VPS13B: variants seen among roughly 807,000 people sequenced by gnomAD.
VPS13B encodes the protein vacuolar protein sorting 13 homolog B, also known as intermembrane lipid transfer protein VPS13B.
In VPS13B, 285 loss-of-function variants were observed where a neutral mutation model predicts 426.4. That is an observed-to-expected ratio of 0.67 (90% CI 0.61 to 0.74). VPS13B has a LOEUF of 0.74. VPS13B is among the 30% of genes least tolerant of loss of function. The pLI is 0.00. For missense variants in VPS13B, 4,537 were observed against 4,782.6 expected (o/e 0.95, Z 1.51); for synonymous variants, 1,676 against 1,676.4 (o/e 1.00, Z 0.01).
Position 99,835,259 on chromosome 8 carries a change from C to G in VPS13B, c.9677C>G (p.Pro3226Arg), listed in dbSNP as rs1815325413. 1 of 1,613,722 alleles carries G rather than the reference C, an allele frequency of 6.2e-7. No individual in the cohort carries two copies. The highest frequency in any genetic ancestry group is 1.3e-5 in the African/African-American group (1 of 74,862). ...ACTTATTTAACCCTCTCAGAAGACC[C>G]TAGTCCTCGAGTAATTATCCACAAT... ...GVTYLTLSED[P>R]SPRVIIHNRC... The change falls in exon 53 of 62, where the codon CCT becomes CGT. Residue 3226 changes from proline to arginine, a missense_variant. Coordinates refer to ENST00000357162, the MANE Select transcript of VPS13B (RefSeq NM_152564.5).
At chr8:99,555,774 G>A (rs1824529946) in intron 30 of VPS13B, among the ~76,000 whole-genome samples, 1 of 151,986 alleles carries the variant, frequency 6.6e-6, no homozygotes, top group Admixed American at 6.6e-5. Flanking sequence ...TTACTTAGCA[G>A]TGGACCCAAT....
In VPS13B at chr8:99,281,884, C is replaced by A. The variant is rs751607116; in HGVS notation, c.2824+6630C>A. Among the ~76,000 whole-genome samples the A allele has an allele frequency of 2.9e-4, 44 of 152,108 alleles. 1 individual carries two copies. Among genetic ancestry groups the A allele is most frequent in the Non-Finnish European group, 5.9e-5 (4 of 68,016 alleles). ...GACCCTGTCTTTGTATCTGAATGAT[C>A]TAATCAATACATCTGTTTTCAGCAA... On this transcript the variant is annotated intron_variant, in intron 19 of 61. Coordinates refer to ENST00000357162, the MANE Select transcript of VPS13B (RefSeq NM_152564.5).
intron 2 of VPS13B, among the ~76,000 whole-genome samples, chr8:99,035,788 A>G (rs989936441): frequency 6.6e-6 from 1 of 152,190 alleles, no homozygotes; most frequent in Non-Finnish European, 1.5e-5. Context: ...GTTTCCACTA[A>G]GAGTGTATAA....
At position 99,259,604 on chromosome 8, in the gene VPS13B, C is replaced by G. The variant is rs189052308; in HGVS notation, c.2516-14594C>G. ...AACAAAGAAGGTTTTTTGTGTTGGC[C>G]TTGATTGGGAAGGGAGAGGGTGCTT... On this transcript the variant is annotated intron_variant, in intron 17 of 61. Coordinates refer to ENST00000357162, the MANE Select transcript of VPS13B (RefSeq NM_152564.5). Among the ~76,000 whole-genome samples the G allele has an allele frequency of 6.3e-3, 955 of 152,050 alleles. 5 individuals carry two copies. Among genetic ancestry groups the G allele is most frequent in the South Asian group, 0.019 (91 of 4,810 alleles).
rs78555430 is a variant in VPS13B, at chr8:99,532,501, G to A, written c.4745+11491G>A. On this transcript the variant is annotated intron_variant, in intron 30 of 61. Transcript: ENST00000357162. ...CCTTTAAAGAATTATAAAAGATAGG[G>A]AGCTGATTCACTTTTCACCCTTAGA... Among the ~76,000 whole-genome samples, 12 of 152,106 alleles carry A rather than the reference G, an allele frequency of 7.9e-5. No homozygotes were observed. In the East Asian group the frequency reaches 2.3e-3, roughly 30 times the overall value.
chr8:99,649,905 C>T lies in VPS13B; in HGVS notation c.5908+7407C>T, dbSNP rs569721760. Among the ~76,000 whole-genome samples the T allele has an allele frequency of 1.1e-4, 16 of 152,200 alleles. No individual in the cohort carries two copies. The South Asian group carries it at 2.7e-3, about 26-fold the overall frequency. On this transcript the variant is annotated intron_variant, in intron 34 of 61. Transcript: ENST00000357162. Reference sequence around the variant, plus strand: ...ACATGAACTGGGAAATTCATCACAACGTCGGTTATAGCCACAAATTGGACT... The same window carrying T: ...ACATGAACTGGGAAATTCATCACAATGTCGGTTATAGCCACAAATTGGACT...
intron 19 of VPS13B, among the ~76,000 whole-genome samples, chr8:99,334,595 G>C (rs1810719923): frequency 6.6e-6 from 1 of 152,130 alleles, no homozygotes; most frequent in African/African-American, 2.4e-5. Context: ...GGCCTTTTCT[G>C]CATCTATTGA....
At chr8:99,868,894 C>T (rs1208402856) in intron 59 of VPS13B, among the ~76,000 whole-genome samples, 1 of 152,184 alleles carries the variant, frequency 6.6e-6, no homozygotes, top group African/African-American at 2.4e-5. Context: ...GGGTGGCCTT[C>T]TCACCCACAG....
At chr8:99,381,819 T>C (rs3105171) in intron 19 of VPS13B, among the ~76,000 whole-genome samples, 29,758 of 152,012 alleles carry the variant, frequency 0.2, 3,406 homozygotes, top group East Asian at 0.38. Flanking sequence ...CTTGGTCAGA[T>C]GCAGAGTTTG....
chr8:99,621,830 T>TC (rs1828365705), intron 33 of VPS13B, among the ~76,000 whole-genome samples: 1 of 136,202 alleles, frequency 7.3e-6, no homozygotes, highest in Non-Finnish European at 1.6e-5. Context: ...CTTTTTTTTT[T>TC]TTTTTTTTTT....
intron 39 of VPS13B, among the ~76,000 whole-genome samples, chr8:99,761,305 C>G (rs1810919051): frequency 6.6e-6 from 1 of 152,206 alleles, no homozygotes; most frequent in Admixed American, 6.5e-5. Context: ...CAGAGCCAGC[C>G]TCACACAAGT....
In VPS13B at chr8:99,859,458, G is replaced by C; in HGVS notation, c.11022G>C (p.Ser3674=). 1 of 1,613,836 alleles carries C rather than the reference G, an allele frequency of 6.2e-7. No individual in the cohort carries two copies. The highest frequency in any genetic ancestry group is 8.5e-7 in the Non-Finnish European group (1 of 1,179,984). Residue 3674 remains serine, a synonymous_variant, in exon 57 of 62, where the codon TCG becomes TCC. Transcript: ENST00000357162. ...FVSGVSRGTT[S]FVKHISKGTL... is the part of the protein sequence containing the mutation. The stretch of plus-strand genomic sequence containing the variant: ...GTGGCGTCTCCAGAGGGACCACATC[G>C]TTTGTAAAGCACATCTCCAAAGGTA...
intron 19 of VPS13B, among the ~76,000 whole-genome samples, chr8:99,302,877 G>A (rs1194471167): frequency 1.3e-5 from 2 of 152,070 alleles, no homozygotes; most frequent in Non-Finnish European, 2.9e-5. Context: ...TCTATTGAAC[G>A]CATATTGCTT....
intron 19 of VPS13B, among the ~76,000 whole-genome samples, chr8:99,314,245 G>A (rs181463896): frequency 6.6e-5 from 10 of 152,142 alleles, no homozygotes; most frequent in African/African-American, 1.9e-4. Flanking sequence ...GAAATCACCC[G>A]TCTTCTGCGT....
chr8:99,205,496 AG>A (rs1371392796), intron 17 of VPS13B, among the ~76,000 whole-genome samples: 1 of 152,196 alleles, frequency 6.6e-6, no homozygotes, highest in African/African-American at 2.4e-5. Context: ...CAGAACTTAA[AG>A]TATAATAATA....
intron 37 of VPS13B, among the ~76,000 whole-genome samples, 189 bp from the exon 38 acceptor site, chr8:99,720,156 G>A (rs1833079740): frequency 6.6e-6 from 1 of 151,770 alleles, no homozygotes; most frequent in African/African-American, 2.4e-5. Context: ...TAATTTTTTT[G>A]TTGTTATATA....
At chr8:99,769,700 C>T (rs904525559) in intron 40 of VPS13B, among the ~76,000 whole-genome samples, 2 of 152,056 alleles carry the variant, frequency 1.3e-5, no homozygotes, top group Non-Finnish European at 2.9e-5. Context: ...ACCTCTATTC[C>T]ACCTTTCAAG....
intron 19 of VPS13B, among the ~76,000 whole-genome samples, chr8:99,300,892 T>C (rs963170079): frequency 3.3e-5 from 5 of 151,192 alleles, no homozygotes; most frequent in Admixed American, 6.6e-5. Flanking sequence ...TTTTTTTTTT[T>C]TTTTTTTGGT....
intron 54 of VPS13B, among the ~76,000 whole-genome samples, chr8:99,847,728 C>T (rs1816054152): frequency 6.6e-6 from 1 of 152,170 alleles, no homozygotes; most frequent in Admixed American, 6.5e-5. Context: ...CATGAGAAAG[C>T]CATTGCATGA....
Sources: allele counts gnomAD v4.1 joint callset (sites outside exome capture counted in the v4.1 genomes callset), GRCh38; gene constraint gnomAD v4.1.1; transcripts MANE v1.5; gene names NCBI Gene and HGNC (gene_info 2026-07-23, HGNC 2026-07-21).